APOB: variants seen among roughly 807,000 people sequenced by gnomAD.
APOB encodes the protein apolipoprotein B.
APOB carries 153 observed loss-of-function variants against 314.1 expected under a neutral mutation model. That is an observed-to-expected ratio of 0.49 (90% CI 0.43 to 0.56). The LOEUF (loss-of-function observed/expected upper bound fraction) is 0.56, where lower values mean the gene tolerates loss of function less well. APOB is among the 20% of genes least tolerant of loss of function. The pLI is 0.00. For missense variants in APOB, 5,430 were observed against 5,350.7 expected (o/e 1.01, Z -0.46); for synonymous variants, 2,087 against 2,036.4 (o/e 1.02, Z -0.67).
At position 21,022,925 on chromosome 2, in the gene APOB, C is replaced by T. The variant is rs761179789; in HGVS notation, c.2722G>A (p.Glu908Lys). ...GCAACATGAGCCTCCAGACCCGACT[C>T]GTGGAAGAAGTTGGTGTTCATCTGG... ...GVQMNTNFFH[E>K]SGLEAHVALK... Residue 908 changes from glutamate (E) to lysine (K), a missense_variant, in exon 18 of 29, where the codon GAG becomes AAG. Glu to Lys is a moderately conservative substitution (Grantham distance 56, BLOSUM62 1). Coordinates refer to ENST00000233242, the MANE Select transcript of APOB (RefSeq NM_000384.3). 36 of 1,614,052 alleles carry T rather than the reference C, an allele frequency of 2.2e-5. No homozygotes were observed. The highest frequency in any genetic ancestry group is 1.3e-4 in the South Asian group (12 of 91,080).
At chr2:21,024,317 A>G (rs921515218) in intron 16 of APOB, 1 of 152,936 alleles carries the variant, frequency 6.5e-6, no homozygotes, top group Admixed American at 6.5e-5. Flanking sequence ...GTATCATTTC[A>G]ATCTTAAAAG....
intron 7 of APOB, 89 bp from the exon 8 acceptor site, chr2:21,034,990 C>T: frequency 1.3e-6 from 1 of 790,960 alleles, no homozygotes; most frequent in Non-Finnish European, 2.3e-6. Context: ...CTGCATCTAC[C>T]CAAGTCCTGC....
rs121918390 is a variant in APOB at position 21,009,304 on chromosome 2, G to A, written c.7564C>T (p.Arg2522Ter). Reference protein sequence around the residue: ...FRETLEDTRDRMYQMDIQQEL... With the variant: ...FRETLEDTRD ...TGCTGAATGTCCATTTGATACATTC[G>A]GTCTCGTGTATCTTCTAGGGTCTCT... Residue 2522 changes from arginine (R) to a stop codon, truncating the protein, a stop_gained, in exon 26 of 29, where the codon CGA (arginine) becomes TGA (stop). Transcript: ENST00000233242. LOFTEE classifies it high-confidence loss of function. 2.6e-5 allele frequency: 42 copies of A among 1,613,928 alleles called. No individual in the cohort carries two copies. The highest frequency in any genetic ancestry group is 3.4e-5 in the Non-Finnish European group (40 of 1,179,974).
At position 21,037,157 on chromosome 2, in the gene APOB, A is replaced by G; in HGVS notation, c.636T>C (p.Cys212=). ...CTGTGCGGATGGGCTTGAAGCGATC[A>G]CACTGCCCCAGGTCTCTTTCAGTGG... ...EISTERDLGQ[C]DRFKPIRTGI... The change falls in exon 6 of 29, where the codon TGT becomes TGC. Residue 212 remains cysteine (C), a synonymous_variant. Transcript: ENST00000233242. 6.2e-7 allele frequency: 1 copy of G among 1,614,198 alleles called. No individual in the cohort carries two copies. Among genetic ancestry groups the G allele is most frequent in the South Asian group, 1.1e-5 (1 of 91,078 alleles).
intron 24 of APOB, 125 bp from the exon 25 acceptor site, chr2:21,013,658 GT>G: frequency 7.4e-7 from 1 of 1,348,036 alleles, no homozygotes. Context: ...ACTTTTCTTT[GT>G]GCTACTCCTA....
Position 21,010,226 on chromosome 2 carries a change from C to A in APOB, c.6642G>T (p.Glu2214Asp). The change falls in exon 26 of 29, where the codon GAG (glutamate) becomes GAT (aspartate). Residue 2214 changes from glutamate to aspartate, a missense_variant. By Grantham distance (45) the Glu-to-Asp change is conservative. Transcript: ENST00000233242. ...CTAAATTTACACGGATATGATAGTG[C>A]TCATCAAGACTTTTTAATTTTTCAA... The part of the protein sequence containing the change: ...EIIEKLKSLD[E>D]HYHIRVNLVK... 1 of 1,561,856 alleles carries A rather than the reference C, an allele frequency of 6.4e-7. No homozygotes were observed. Among genetic ancestry groups the A allele is most frequent in the Non-Finnish European group, 8.7e-7 (1 of 1,155,284 alleles).
chr2:21,021,636 C>T (rs1314868701), intron 18 of APOB, among the ~76,000 whole-genome samples: 6 of 152,188 alleles, frequency 3.9e-5, no homozygotes, highest in Non-Finnish European at 5.9e-5. Flanking sequence ...TTCCTTGAAC[C>T]ATATTCCTTT....
intron 13 of APOB, 45 bp from the exon 14 acceptor site, chr2:21,028,110 A>G: frequency 7.2e-7 from 1 of 1,379,848 alleles, no homozygotes; most frequent in Non-Finnish European, 1.0e-6. Flanking sequence ...CCATGTTATT[A>G]TCCTTTGACT....
rs758269673 is a variant in APOB at position 21,006,233 on chromosome 2, T to C, written c.10635A>G (p.Glu3545=). The C allele has an allele frequency of 6.2e-7, 1 of 1,614,080 alleles. No individual in the cohort carries two copies. The part of the protein sequence containing the change: ...TSKIDDIWNL[E]VKENFAGEAT... ...CTTCTCCAGCAAAATTTTCTTTTAC[T>C]TCAAGGTTCCAGATATCATCAATTT... Residue 3545 remains glutamate, a synonymous_variant, in exon 26 of 29, where the codon GAA becomes GAG. Coordinates refer to ENST00000233242, the MANE Select transcript of APOB (RefSeq NM_000384.3).
chr2:21,040,115 A>C (rs1453162808), intron 4 of APOB, among the ~76,000 whole-genome samples: 1 of 152,104 alleles, frequency 6.6e-6, no homozygotes, highest in Non-Finnish European at 1.5e-5. Flanking sequence ...GGTTCTAAAA[A>C]CAGGAGTTTC....
intron 13 of APOB, 64 bp from the exon 14 acceptor site, chr2:21,028,129 C>A: frequency 7.8e-7 from 1 of 1,283,364 alleles, no homozygotes. Context: ...CTCTTGCACC[C>A]CAAGTAAATA....
intron 24 of APOB, 140 bp downstream of exon 24, chr2:21,014,308 G>T: frequency 1.0e-6 from 1 of 975,222 alleles, no homozygotes; most frequent in Non-Finnish European, 1.5e-6. Context: ...ATGCCACAGT[G>T]TTTGTGCTAT....
intron 27 of APOB, 30 bp from the exon 28 acceptor site, chr2:21,004,482 C>T (rs779330794): frequency 2.0e-5 from 33 of 1,613,430 alleles, no homozygotes; most frequent in African/African-American, 5.3e-5. Flanking sequence ...TGAGCTATCA[C>T]GAAAGGGGTA....
chr2:21,023,795 G>C (rs1663671544), intron 16 of APOB, 103 bp from the exon 17 acceptor site: 1 of 966,896 alleles, frequency 1.0e-6, no homozygotes, highest in Non-Finnish European at 1.5e-6. Flanking sequence ...TCTTTATCTG[G>C]AAAGGAAGGA....
intron 20 of APOB, 101 bp downstream of exon 20, chr2:21,018,891 T>C (rs1663535103): frequency 1.3e-6 from 2 of 1,573,326 alleles, no homozygotes; most frequent in African/African-American, 1.3e-5. Flanking sequence ...GGTACTCAGT[T>C]AACCTATTTG....
chr2:21,043,462 A>G, intron 2 of APOB, 51 bp downstream of exon 2: 2 of 1,569,944 alleles, frequency 1.3e-6, no homozygotes, highest in Non-Finnish European at 1.7e-6. Context: ...CGGGTGTAGG[A>G]GAGTGCACGG....
At chr2:21,013,125 T>C in intron 25 of APOB, 35 bp downstream of exon 25, 2 of 1,612,408 alleles carry the variant, frequency 1.2e-6, no homozygotes, top group Non-Finnish European at 1.7e-6. Flanking sequence ...TGCCATGAAC[T>C]AGCCCGGTGC....
chr2:21,041,521 T>C lies in APOB; in HGVS notation c.238-438A>G, dbSNP rs983945802. ...TCACCCAAAAAACTGGTTATATCTA[T>C]TAGGGCCTATTTAGAGCTTTGCATA... On this transcript the variant is annotated intron_variant, in intron 3 of 28. Transcript: ENST00000233242. Among the ~76,000 whole-genome samples, 7 of 152,314 alleles carry C rather than the reference T, an allele frequency of 4.6e-5. No homozygotes were observed. In the East Asian group the frequency reaches 7.7e-4, roughly 17 times the overall value.
chr2:21,005,080 C>T lies in APOB; in HGVS notation c.11788G>A (p.Val3930Ile), dbSNP rs1663089625. 1 of 1,613,734 alleles carries T rather than the reference C, an allele frequency of 6.2e-7. No homozygotes were observed. Among genetic ancestry groups the T allele is most frequent in the South Asian group, 1.1e-5 (1 of 91,068 alleles). The change falls in exon 26 of 29, where the codon GTT (valine) becomes ATT (isoleucine). Residue 3930 changes from valine (V) to isoleucine (I), a missense_variant and splice_region_variant. Physicochemically the swap from Val to Ile is conservative, Grantham distance 29. This residue lies in a region of APOB where 3,281 missense variants were observed against 3,171.0 expected (regional missense o/e 1.03). Coordinates refer to ENST00000233242, the MANE Select transcript of APOB (RefSeq NM_000384.3). ...TVQFLEYELN[V>I]LGTHKIEDGT... ...GGAGAGGAGGCAGGATATTTCTTAC[C>T]ATTTAGTTCATATTCTAGGAACTGT...
Sources: gnomAD v4.1 joint callset for allele counts (sites outside exome capture counted in the v4.1 genomes callset) on GRCh38, gnomAD v4.1.1 for gene constraint, gnomAD v4.1.1 regional missense constraint, MANE v1.5 for transcripts, NCBI Gene and HGNC (gene_info 2026-07-23, HGNC 2026-07-21) for gene names.